TNPO1: variants seen among roughly 807,000 people sequenced by gnomAD.
TNPO1 encodes the protein transportin-1.
Under a neutral mutation model 119.5 loss-of-function variants are expected in TNPO1, and 8 were observed. The ratio of observed to expected loss-of-function variants is 0.07; its 90% CI spans 0.04 to 0.12. The LOEUF (loss-of-function observed/expected upper bound fraction) is 0.12, where lower values mean the gene tolerates loss of function less well. TNPO1 is among the 10% of genes least tolerant of loss of function. The pLI, the probability that TNPO1 is intolerant of heterozygous loss-of-function variation, is 1.00. For missense variants in TNPO1, 576 were observed against 1,089.8 expected (o/e 0.53, Z 6.64); for synonymous variants, 362 against 363.0 (o/e 1.00, Z 0.03).
At chr5:72,861,578 AT>A (rs1359004119) in intron 4 of TNPO1, among the ~76,000 whole-genome samples, 1 of 151,956 alleles carries the variant, frequency 6.6e-6, no homozygotes, top group Non-Finnish European at 1.5e-5. Flanking sequence ...ATTTTCTTGT[AT>A]TTTTAGTAGT....
chr5:72,868,180 C>T (rs1045720888), intron 6 of TNPO1, among the ~76,000 whole-genome samples: 2 of 151,828 alleles, frequency 1.3e-5, no homozygotes, highest in Admixed American at 1.3e-4. Context: ...CGCCTGTAAT[C>T]CCAGCACTTT....
intron 1 of TNPO1, 169 bp downstream of exon 1, chr5:72,816,921 A>C: frequency 1.3e-6 from 1 of 751,080 alleles, no homozygotes; most frequent in Non-Finnish European, 2.0e-6. Flanking sequence ...TCTAACCCCA[A>C]CAGCTGCCCG....
At chr5:72,874,213 T>C (rs532601956) in intron 7 of TNPO1, among the ~76,000 whole-genome samples, 2 of 152,298 alleles carry the variant, frequency 1.3e-5, no homozygotes, top group East Asian at 3.9e-4. Context: ...AGTAAACCTC[T>C]GGAGGAAGTG....
chr5:72,825,933 T>C (rs1744190108), intron 1 of TNPO1: 1 of 152,360 alleles, frequency 6.6e-6, no homozygotes, highest in African/African-American at 2.4e-5. Context: ...AAGCTGGTCC[T>C]GTGAGGCTCT....
Position 72,901,088 on chromosome 5 carries a change from A to C in TNPO1, c.2514+15A>C, listed in dbSNP as rs1389452805. ...GCGTAATCCAAGTAAGATGTTCACA[A>C]AGATTTGTTTTTAATGTCTAATTAA... On this transcript the variant is annotated intron_variant, in intron 22 of 24. Transcript: ENST00000337273. 1 of 1,557,718 alleles carries C rather than the reference A, an allele frequency of 6.4e-7. No individual in the cohort carries two copies. The highest frequency in any genetic ancestry group is 8.7e-7 in the Non-Finnish European group (1 of 1,144,912).
intron 13 of TNPO1, among the ~76,000 whole-genome samples, chr5:72,889,086 C>G (rs1748865282): frequency 6.6e-6 from 1 of 152,094 alleles, no homozygotes; most frequent in African/African-American, 2.4e-5. Context: ...TAGATGGAGT[C>G]TTGCTCTGTC....
intron 9 of TNPO1, among the ~76,000 whole-genome samples, chr5:72,880,306 A>G (rs925404056): frequency 6.6e-6 from 1 of 152,238 alleles, no homozygotes; most frequent in East Asian, 1.9e-4. Flanking sequence ...ATTATTGAAC[A>G]TTAATGTATT....
intron 6 of TNPO1, among the ~76,000 whole-genome samples, chr5:72,866,175 C>G (rs182419312): frequency 6.6e-5 from 10 of 152,182 alleles, no homozygotes; most frequent in Admixed American, 5.2e-4. Context: ...ACCATAGTAC[C>G]CATTAGCTAG....
chr5:72,865,379 T>C (rs184034258), intron 5 of TNPO1, among the ~76,000 whole-genome samples: 1,905 of 144,800 alleles, frequency 0.013, 93 homozygotes, highest in Admixed American at 0.1. Flanking sequence ...GAGGCAGAAG[T>C]TGCAGTGACC....
At chr5:72,819,873 G>A (rs1743877083) in intron 1 of TNPO1, among the ~76,000 whole-genome samples, 1 of 152,136 alleles carries the variant, frequency 6.6e-6, no homozygotes. Context: ...AATACACTAA[G>A]CTCTTAAAAC....
intron 19 of TNPO1, 142 bp from the exon 20 acceptor site, chr5:72,896,913 TG>T: frequency 2.1e-6 from 1 of 473,350 alleles, no homozygotes; most frequent in Non-Finnish European, 3.7e-6. Context: ...TTGATATTTT[TG>T]TAATTGCTTT....
chr5:72,904,277 G>C (rs1465178595), intron 23 of TNPO1, among the ~76,000 whole-genome samples: 3 of 152,156 alleles, frequency 2.0e-5, no homozygotes, highest in Non-Finnish European at 4.4e-5. Context: ...TGAACTCAAA[G>C]CTTGTGTATT....
intron 5 of TNPO1, among the ~76,000 whole-genome samples, chr5:72,863,389 A>T (rs1170768814): frequency 6.6e-6 from 1 of 152,114 alleles, no homozygotes; most frequent in African/African-American, 2.4e-5. Context: ...GGTGGATTGC[A>T]TGAGTTCAAG....
chr5:72,913,395 A>T lies in TNPO1; in HGVS notation c.*4722A>T, dbSNP rs961323790. The T allele has an allele frequency of 1.3e-5, 2 of 152,352 alleles. No individual in the cohort carries two copies. The highest frequency in any genetic ancestry group is 2.4e-5 in the African/African-American group (1 of 41,428). 9.4% of individuals were successfully genotyped at this position (152,352 alleles called of 1,614,324 possible). The stretch of plus-strand genomic sequence containing the variant: ...ATTAATTTTTAAGGTATACATTTAA[A>T]TTACACAATTGTTCATTGTGGTTTG... On this transcript the variant is annotated 3_prime_UTR_variant, in exon 25 of 25. Coordinates refer to ENST00000337273, the MANE Select transcript of TNPO1 (RefSeq NM_002270.4).
Position 72,861,005 on chromosome 5 carries a change from C to T in TNPO1, c.356-803C>T, listed in dbSNP as rs188372014. Reference sequence around the variant, plus strand: ...TCGGCTCACTGCAACCTCCGCCTCCCGGGTTCAAGCGATTCTCCTGCCTCA... The same window carrying T: ...TCGGCTCACTGCAACCTCCGCCTCCTGGGTTCAAGCGATTCTCCTGCCTCA... On this transcript the variant is annotated intron_variant, in intron 4 of 24. Transcript: ENST00000337273. 5.1e-3 allele frequency among the ~76,000 whole-genome samples: 771 copies of T among 151,890 alleles called. 7 individuals carry two copies. The highest frequency in any genetic ancestry group is 6.9e-3 in the Non-Finnish European group (471 of 67,938).
At chr5:72,867,645 A>G (rs1747019079) in intron 6 of TNPO1, among the ~76,000 whole-genome samples, 3 of 152,218 alleles carry the variant, frequency 2.0e-5, no homozygotes, top group South Asian at 4.1e-4. Flanking sequence ...GACCTTGACA[A>G]CAGTCTACAT....
intron 24 of TNPO1, among the ~76,000 whole-genome samples, chr5:72,908,039 C>T (rs971454451): frequency 2.6e-5 from 4 of 152,082 alleles, no homozygotes; most frequent in Admixed American, 1.3e-4. Context: ...GGTGACAGAG[C>T]AAGGTGCTAT....
intron 1 of TNPO1, among the ~76,000 whole-genome samples, chr5:72,822,316 G>A (rs1036398104): frequency 7.7e-6 from 1 of 129,932 alleles, no homozygotes; most frequent in Non-Finnish European, 1.7e-5. Flanking sequence ...GCAAAGTAAA[G>A]CAGTGACTTT....
intron 6 of TNPO1, among the ~76,000 whole-genome samples, chr5:72,867,229 C>G (rs1445130981): frequency 6.6e-6 from 1 of 151,760 alleles, no homozygotes; most frequent in Non-Finnish European, 1.5e-5. Flanking sequence ...TTCTGTTGTA[C>G]ATACTTTTAG....
Sources: gnomAD v4.1 joint callset for allele counts (sites outside exome capture counted in the v4.1 genomes callset) on GRCh38, gnomAD v4.1.1 for gene constraint, MANE v1.5 for transcripts, NCBI Gene and HGNC (gene_info 2026-07-23, HGNC 2026-07-21) for gene names.